Variants in SPSB4 observed in about 807,000 individuals in gnomAD.
SPSB4 encodes the protein SPRY domain-containing SOCS box protein 4.
In SPSB4, 21 loss-of-function variants were observed where a neutral mutation model predicts 20.9. The observed-to-expected ratio is 1.01, with a 90% CI of 0.71 to 1.45. The LOEUF (loss-of-function observed/expected upper bound fraction) is 1.45, where lower values mean the gene tolerates loss of function less well. Ranked by LOEUF, SPSB4 falls within the 40% of genes most tolerant of loss-of-function variation. The pLI is 0.00. For synonymous variants in SPSB4, 207 were observed against 183.8 expected, an observed-to-expected ratio of 1.13 and a Z score of -1.02; for missense variants, 399 against 399.2, an observed-to-expected ratio of 1.00 and a Z score of 0.00.
rs1215548484 is a variant in SPSB4, at chr3:141,066,212, G to T, written c.108G>T (p.Arg36=). ...LRGAEPGRPA[R]LDQLLDMPAA... ...GTGCAGAGCCCGGGCGGCCGGCGCGGCTGGACCAGCTGTTGGACATGCCAG... is the reference window on the plus strand; with the variant it reads ...GTGCAGAGCCCGGGCGGCCGGCGCGTCTGGACCAGCTGTTGGACATGCCAG... The change falls in exon 2 of 3, where the codon CGG becomes CGT. Residue 36 remains arginine, a synonymous_variant. Transcript: ENST00000310546. The T allele has an allele frequency of 2.6e-6, 4 of 1,540,234 alleles. No homozygotes were observed. The East Asian group carries it at 1.0e-4, about 39-fold the overall frequency.
intron 2 of SPSB4, among the ~76,000 whole-genome samples, chr3:141,096,587 G>A (rs1337365077): frequency 1.3e-4 from 20 of 152,158 alleles, no homozygotes; most frequent in Non-Finnish European, 1.5e-5. Context: ...GAGACCATTT[G>A]GGTTTCTAAT....
Position 141,066,183 on chromosome 3 carries a change from C to G in SPSB4, c.79C>G (p.Arg27Gly). 4 of 1,533,202 alleles carry G rather than the reference C, an allele frequency of 2.6e-6. No individual in the cohort carries two copies. The highest frequency in any genetic ancestry group is 3.5e-6 in the Non-Finnish European group (4 of 1,141,908). The allele number at this position is 1,533,202 out of a possible 1,614,324, so 95.0% of individuals were successfully genotyped here. ...GCTGCGGCCGGCCAAGCGGGAGCTG[C>G]GGGGTGCAGAGCCCGGGCGGCCGGC... is the stretch of plus-strand genomic sequence containing the variant. The part of the protein sequence containing the change: ...PALRPAKREL[R>G]GAEPGRPARL... The change falls in exon 2 of 3, where the codon CGG becomes GGG. Residue 27 changes from arginine (R) to glycine (G), a missense_variant. Physicochemically the swap from Arg to Gly is moderately radical, Grantham distance 125. Transcript: ENST00000310546.
chr3:141,119,560 T>A (rs535230467), intron 2 of SPSB4, among the ~76,000 whole-genome samples: 1 of 152,360 alleles, frequency 6.6e-6, no homozygotes, highest in East Asian at 1.9e-4. Context: ...GGCATCCCTG[T>A]CTTGTGCCGG....
chr3:141,097,581 C>G (rs966295938), intron 2 of SPSB4, among the ~76,000 whole-genome samples: 1 of 152,102 alleles, frequency 6.6e-6, no homozygotes, highest in African/African-American at 2.4e-5. Flanking sequence ...ATTCTTGATC[C>G]TCTCTGAGAA....
At chr3:141,071,278 C>T (rs1937997307) in intron 2 of SPSB4, among the ~76,000 whole-genome samples, 1 of 151,550 alleles carries the variant, frequency 6.6e-6, no homozygotes, top group Non-Finnish European at 1.5e-5. Flanking sequence ...ATGCAGGCGG[C>T]AGGAGGGCTG....
chr3:141,135,338 T>TTTATTATTATTATTATTA (rs56836958), intron 2 of SPSB4, among the ~76,000 whole-genome samples: 1,811 of 148,826 alleles, frequency 0.012, 24 homozygotes, highest in Admixed American at 0.042. Context: ...CAGTTTTTCT[T>TTTATTATTATTATTATTA]TTATTATTAT....
intron 2 of SPSB4, chr3:141,132,257 T>C (rs1470834158): frequency 7.3e-6 from 3 of 412,242 alleles, no homozygotes; most frequent in Non-Finnish European, 1.4e-5. Context: ...AACCTCCGCC[T>C]CCCGGGTTCA....
At chr3:141,087,763 AG>A (rs564809251) in intron 2 of SPSB4, among the ~76,000 whole-genome samples, 208 of 152,318 alleles carry the variant, frequency 1.4e-3, no homozygotes, top group Non-Finnish European at 2.6e-3. Context: ...AAATGCGGGC[AG>A]GGCAGAGGAG....
At chr3:141,084,828 G>C (rs1938311377) in intron 2 of SPSB4, among the ~76,000 whole-genome samples, 1 of 152,206 alleles carries the variant, frequency 6.6e-6, no homozygotes, top group African/African-American at 2.4e-5. Flanking sequence ...TTCATACCTT[G>C]TTCATTCTTT....
Position 141,066,465 on chromosome 3 carries a change from C to T in SPSB4, c.361C>T (p.Arg121Cys). 6.7e-7 allele frequency: 1 copy of T among 1,498,622 alleles called. No homozygotes were observed. The highest frequency in any genetic ancestry group is 1.3e-5 in the South Asian group (1 of 75,702). 92.8% of individuals were successfully genotyped at this position (1,498,622 alleles called of 1,614,324 possible). A position where few individuals can be genotyped will look rare whatever the true frequency, so the allele number is the denominator to read the frequency against. ...THAVVGVATARAPLHSVGYTA... is the reference protein window; with the variant it reads ...THAVVGVATACAPLHSVGYTA... The stretch of plus-strand genomic sequence containing the variant: ...CGCTGTAGTTGGTGTGGCCACGGCC[C>T]GTGCTCCCCTGCACTCCGTGGGCTA... The change falls in exon 2 of 3, where the codon CGT becomes TGT. Residue 121 changes from arginine to cysteine, a missense_variant. Coordinates refer to ENST00000310546, the MANE Select transcript of SPSB4 (RefSeq NM_080862.3).
At chr3:141,142,394 G>T (rs1451600465) in intron 2 of SPSB4, among the ~76,000 whole-genome samples, 1 of 152,102 alleles carries the variant, frequency 6.6e-6, no homozygotes, top group Admixed American at 6.5e-5. Flanking sequence ...ATTCCACTGT[G>T]GTCTGAGAGG....
At chr3:141,084,085 C>A (rs949478718) in intron 2 of SPSB4, among the ~76,000 whole-genome samples, 14 of 152,292 alleles carry the variant, frequency 9.2e-5, no homozygotes, top group Admixed American at 9.2e-4. Context: ...TGTGGGAAGC[C>A]CGGCGTCGCT....
At chr3:141,126,653 C>A (rs767780533) in intron 2 of SPSB4, among the ~76,000 whole-genome samples, 3 of 152,212 alleles carry the variant, frequency 2.0e-5, no homozygotes, top group Non-Finnish European at 4.4e-5. Flanking sequence ...GGCATCTGAG[C>A]ATGTGCCAGG....
intron 2 of SPSB4, among the ~76,000 whole-genome samples, chr3:141,141,510 T>C (rs1323205191): frequency 6.6e-6 from 1 of 152,204 alleles, no homozygotes; most frequent in African/African-American, 2.4e-5. Flanking sequence ...ATTAAACTGC[T>C]ATTGGGTTGT....
At chr3:141,111,446 T>C (rs186527776) in intron 2 of SPSB4, among the ~76,000 whole-genome samples, 1 of 147,816 alleles carries the variant, frequency 6.8e-6, no homozygotes, top group Non-Finnish European at 1.5e-5. Context: ...GGGAAATGAT[T>C]TGTCAAAAAT....
At chr3:141,072,815 C>T (rs567924049) in intron 2 of SPSB4, among the ~76,000 whole-genome samples, 2 of 152,166 alleles carry the variant, frequency 1.3e-5, no homozygotes, top group African/African-American at 4.8e-5. Flanking sequence ...TCTCGGCCCC[C>T]CATCCGCTCC....
At chr3:141,128,737 A>T (rs1051067968) in intron 2 of SPSB4, among the ~76,000 whole-genome samples, 2 of 152,016 alleles carry the variant, frequency 1.3e-5, no homozygotes, top group Admixed American at 1.3e-4. Context: ...TGAGGGCTGG[A>T]GTCAGAGGTA....
chr3:141,056,134 C>T (rs1242257535), intron 1 of SPSB4, among the ~76,000 whole-genome samples: 1 of 152,230 alleles, frequency 6.6e-6, no homozygotes, highest in Non-Finnish European at 1.5e-5. Flanking sequence ...AAGCTCTACA[C>T]TTCAATGTGC....
chr3:141,083,150 T>G (rs1263756615), intron 2 of SPSB4, among the ~76,000 whole-genome samples: 1 of 152,200 alleles, frequency 6.6e-6, no homozygotes, highest in Non-Finnish European at 1.5e-5. Flanking sequence ...AGGCCAGGTT[T>G]TGCTGAGCTG....
Sources: allele counts gnomAD v4.1 joint callset (sites outside exome capture counted in the v4.1 genomes callset), GRCh38; gene constraint gnomAD v4.1.1; transcripts MANE v1.5; gene names NCBI Gene and HGNC (gene_info 2026-07-23, HGNC 2026-07-21).